Variants in UNC5C observed in about 807,000 individuals in gnomAD.
UNC5C encodes the protein netrin receptor UNC5C.
UNC5C carries 47 observed loss-of-function variants against 99.8 expected under a neutral mutation model. That is an observed-to-expected ratio of 0.47 (90% CI 0.37 to 0.60). The LOEUF is 0.60. UNC5C is among the 20% of genes least tolerant of loss of function. UNC5C has a pLI of 0.00. For missense variants in UNC5C, 1,062 were observed against 1,165.9 expected (o/e 0.91, Z 1.30); for synonymous variants, 487 against 452.2 (o/e 1.08, Z -0.98).
rs750951713 is a variant in UNC5C at position 95,226,479 on chromosome 4, T to TAA, written c.1109-6305_1109-6304dup. 3.3e-4 allele frequency among the ~76,000 whole-genome samples: 50 copies of TAA among 152,176 alleles called. 1 individual carries two copies. Among genetic ancestry groups the TAA allele is most frequent in the Non-Finnish European group, 2.6e-4 (18 of 68,040 alleles). On this transcript the variant is annotated intron_variant, in intron 7 of 15. Coordinates refer to ENST00000453304, the MANE Select transcript of UNC5C (RefSeq NM_003728.4). ...TATGATGCACGTTACTAAGGTATAC[T>TAA]AAGATGCTGGGTCCTTAAGGGATTT...
intron 10 of UNC5C, among the ~76,000 whole-genome samples, chr4:95,210,705 C>G (rs1738046293): frequency 6.6e-6 from 1 of 152,050 alleles, no homozygotes; most frequent in Non-Finnish European, 1.5e-5. Flanking sequence ...TTCCAAAGTC[C>G]AACAAGGATA....
chr4:95,489,555 A>G (rs1721423426), intron 1 of UNC5C, among the ~76,000 whole-genome samples: 1 of 151,760 alleles, frequency 6.6e-6, no homozygotes, highest in South Asian at 2.1e-4. Context: ...TGTGTTTTGG[A>G]TGGGCAAGAG....
At chr4:95,387,578 C>T (rs1261826924) in intron 1 of UNC5C, among the ~76,000 whole-genome samples, 2 of 152,220 alleles carry the variant, frequency 1.3e-5, no homozygotes, top group Non-Finnish European at 2.9e-5. Context: ...ATTCTATCCA[C>T]ATGGAGGGCT....
chr4:95,451,574 T>A (rs2149467614), intron 1 of UNC5C, among the ~76,000 whole-genome samples: 1 of 152,336 alleles, frequency 6.6e-6, no homozygotes, highest in African/African-American at 2.4e-5. Flanking sequence ...AAACATATCC[T>A]AACATTTGCT....
At chr4:95,250,353 C>G (rs1739651521) in intron 5 of UNC5C, 134 bp downstream of exon 5, 1 of 955,430 alleles carries the variant, frequency 1.0e-6, no homozygotes. Flanking sequence ...CCATTGCACG[C>G]CAGCCTGGGT....
rs144766591 is a variant in UNC5C, at chr4:95,311,846, C to G, written c.347-10097G>C. Among the ~76,000 whole-genome samples, 412 of 152,204 alleles carry G rather than the reference C, an allele frequency of 2.7e-3. 3 individuals carry two copies. Among genetic ancestry groups the G allele is most frequent in the African/African-American group, 8.9e-3 (368 of 41,530 alleles). On this transcript the variant is annotated intron_variant, in intron 2 of 15. Coordinates refer to ENST00000453304, the MANE Select transcript of UNC5C (RefSeq NM_003728.4). Reference sequence around the variant, plus strand: ...ATTGCTTGAGGCCAAGAATTCAAGACCAGCCTGGGCAACATAAAGAGACCC... The same window carrying G: ...ATTGCTTGAGGCCAAGAATTCAAGAGCAGCCTGGGCAACATAAAGAGACCC...
At chr4:95,209,156 T>C (rs190651955) in intron 10 of UNC5C, among the ~76,000 whole-genome samples, 1 of 152,294 alleles carries the variant, frequency 6.6e-6, no homozygotes, top group East Asian at 1.9e-4. Context: ...CATCTGAACA[T>C]TTTTGCATCA....
intron 1 of UNC5C, among the ~76,000 whole-genome samples, chr4:95,359,073 C>G (rs2149433738): frequency 6.6e-6 from 1 of 152,188 alleles, no homozygotes; most frequent in African/African-American, 2.4e-5. Flanking sequence ...AAAAGATTAA[C>G]CAACCAGTAT....
intron 1 of UNC5C, among the ~76,000 whole-genome samples, chr4:95,472,184 G>A (rs79542276): frequency 0.011 from 1,689 of 152,170 alleles, 28 homozygotes; most frequent in African/African-American, 0.037. Flanking sequence ...GTATTAATCT[G>A]TATTATTTTA....
intron 14 of UNC5C, among the ~76,000 whole-genome samples, chr4:95,171,069 A>G (rs1197577594): frequency 1.3e-5 from 2 of 152,224 alleles, no homozygotes; most frequent in Non-Finnish European, 2.9e-5. Context: ...CACAAATGCA[A>G]AATCTGAATT....
At position 95,168,421 on chromosome 4, in the gene UNC5C, G is replaced by A. The variant is rs190188458; in HGVS notation, c.*813C>T. 2 of 152,428 alleles carry A rather than the reference G, an allele frequency of 1.3e-5. No homozygotes were observed. The highest frequency in any genetic ancestry group is 2.4e-5 in the African/African-American group (1 of 41,506). The allele number at this position is 152,428 out of a possible 1,614,324, so 9.4% of individuals were successfully genotyped here. A position where few individuals can be genotyped will look rare whatever the true frequency, so the allele number is the denominator to read the frequency against. ...AAAAAATCATTTTACCAGAATACCT[G>A]TAAATAATAATAATACCTTTAAAAA... is the stretch of plus-strand genomic sequence containing the variant. On this transcript the variant is annotated 3_prime_UTR_variant, in exon 16 of 16. Coordinates refer to ENST00000453304, the MANE Select transcript of UNC5C (RefSeq NM_003728.4).
At chr4:95,527,159 A>G (rs1049584252) in intron 1 of UNC5C, among the ~76,000 whole-genome samples, 1 of 152,136 alleles carries the variant, frequency 6.6e-6, no homozygotes, top group East Asian at 1.9e-4. Flanking sequence ...TTTACAATCC[A>G]GTGACAAAAA....
chr4:95,229,713 A>T (rs1353880454), intron 7 of UNC5C, among the ~76,000 whole-genome samples: 2 of 151,560 alleles, frequency 1.3e-5, no homozygotes, highest in African/African-American at 2.4e-5. Flanking sequence ...ACTGTCTTCC[A>T]CAATGGTTGA....
intron 2 of UNC5C, among the ~76,000 whole-genome samples, chr4:95,321,326 T>C (rs1209666275): frequency 6.6e-6 from 1 of 152,142 alleles, no homozygotes; most frequent in African/African-American, 2.4e-5. Context: ...AAAAAGAATC[T>C]AAATGTGTAG....
chr4:95,490,891 C>T (rs571587843), intron 1 of UNC5C, among the ~76,000 whole-genome samples: 1 of 151,550 alleles, frequency 6.6e-6, no homozygotes, highest in Admixed American at 6.6e-5. Flanking sequence ...TGTACTAGGT[C>T]AAGTTTAGAA....
At chr4:95,504,570 G>A (rs1297390679) in intron 1 of UNC5C, among the ~76,000 whole-genome samples, 2 of 151,866 alleles carry the variant, frequency 1.3e-5, no homozygotes, top group Admixed American at 6.6e-5. Flanking sequence ...ATTTCATTAC[G>A]GATTTTGTCT....
intron 14 of UNC5C, among the ~76,000 whole-genome samples, chr4:95,172,491 T>C (rs1256787159): frequency 6.6e-6 from 1 of 152,230 alleles, no homozygotes; most frequent in African/African-American, 2.4e-5. Context: ...ATTTATTAAA[T>C]AGGGAATCAT....
intron 10 of UNC5C, among the ~76,000 whole-genome samples, chr4:95,212,839 G>A (rs1579235880): frequency 6.6e-6 from 1 of 152,250 alleles, no homozygotes; most frequent in East Asian, 1.9e-4. Context: ...AGCCAGCTGT[G>A]AAATACTTTC....
At chr4:95,448,604 G>A (rs994098438) in intron 1 of UNC5C, among the ~76,000 whole-genome samples, 9 of 152,116 alleles carry the variant, frequency 5.9e-5, no homozygotes, top group African/African-American at 2.2e-4. Flanking sequence ...GAGAGAAAAT[G>A]GTGGCAAGTG....
Sources: gnomAD v4.1 joint callset for allele counts (sites outside exome capture counted in the v4.1 genomes callset) on GRCh38, gnomAD v4.1.1 for gene constraint, MANE v1.5 for transcripts, NCBI Gene and HGNC (gene_info 2026-07-23, HGNC 2026-07-21) for gene names.